Variants in MEF2A observed in about 807,000 individuals in gnomAD.
The protein encoded by MEF2A is myocyte enhancer factor 2A, also known as myocyte-specific enhancer factor 2A.
MEF2A carries 28 observed loss-of-function variants against 55.8 expected under a neutral mutation model. The observed-to-expected ratio is 0.50, with a 90% CI of 0.37 to 0.69. The LOEUF is 0.69. Among genes scored for constraint, MEF2A ranks in the 30% least tolerant of loss-of-function variants. The probability of loss-of-function intolerance (pLI) is 0.00; values close to 1 mark genes in which losing one functional copy is unlikely to be tolerated. For synonymous variants in MEF2A, 239 were observed against 227.1 expected, an observed-to-expected ratio of 1.05 and a Z score of -0.47; for missense variants, 528 against 626.2, an observed-to-expected ratio of 0.84 and a Z score of 1.67.
chr15:99,659,608 A>C (rs1413981423), intron 4 of MEF2A, among the ~76,000 whole-genome samples: 1 of 152,198 alleles, frequency 6.6e-6, no homozygotes, highest in African/African-American at 2.4e-5. Context: ...TGGAAAGAGC[A>C]CTAGACTTAG....
At chr15:99,651,724 A>G (rs2046876917) in intron 4 of MEF2A, among the ~76,000 whole-genome samples, 1 of 152,180 alleles carries the variant, frequency 6.6e-6, no homozygotes, top group African/African-American at 2.4e-5. Flanking sequence ...TTTGCTGTGC[A>G]TGTGAATATT....
intron 1 of MEF2A, among the ~76,000 whole-genome samples, chr15:99,573,898 A>C (rs534170905): frequency 6.6e-6 from 1 of 152,310 alleles, no homozygotes; most frequent in Admixed American, 6.5e-5. Flanking sequence ...TTGATACTGA[A>C]AACCTTTTTA....
rs1446652119 is a variant in MEF2A at position 99,636,526 on chromosome 15, T to C, written c.54+3353T>C. On this transcript the variant is annotated intron_variant, in intron 3 of 11. Coordinates refer to ENST00000557942, the MANE Select transcript of MEF2A (RefSeq NM_001319206.4). ...AGGGCCGACCCATTCTTTTATTTTT[T>C]TGTAGAGATGGTGTCTCGCCTAGAC... Among the ~76,000 whole-genome samples the C allele has an allele frequency of 2.0e-5, 3 of 152,126 alleles. No homozygotes were observed. The East Asian group carries it at 5.8e-4, about 29-fold the overall frequency.
chr15:99,614,247 C>T (rs529835597), intron 2 of MEF2A, among the ~76,000 whole-genome samples: 3 of 152,282 alleles, frequency 2.0e-5, no homozygotes, highest in African/African-American at 7.2e-5. Context: ...TTCTGCAGTT[C>T]AGTGAAGAAT....
chr15:99,593,451 A>G (rs1970047406), intron 1 of MEF2A, among the ~76,000 whole-genome samples: 1 of 152,204 alleles, frequency 6.6e-6, no homozygotes, highest in South Asian at 2.1e-4. Flanking sequence ...CAGTTACTAC[A>G]TCATGCCTGG....
intron 7 of MEF2A, among the ~76,000 whole-genome samples, chr15:99,683,531 C>G (rs1259208790): frequency 6.6e-6 from 1 of 152,008 alleles, no homozygotes; most frequent in Middle Eastern, 3.2e-3. Flanking sequence ...GTCAGCCTCC[C>G]TAGTAGCCAG....
intron 4 of MEF2A, among the ~76,000 whole-genome samples, chr15:99,665,284 A>G (rs948623478): frequency 1.3e-5 from 2 of 152,166 alleles, no homozygotes; most frequent in African/African-American, 4.8e-5. Context: ...GAGCCTTCCT[A>G]CTACTGGAGT....
chr15:99,568,178 A>G (rs185333180), intron 1 of MEF2A, among the ~76,000 whole-genome samples: 7 of 152,358 alleles, frequency 4.6e-5, no homozygotes, highest in African/African-American at 1.7e-4. Flanking sequence ...AGTTTTTTAA[A>G]AAATTAAATT....
At chr15:99,565,787 T>C (rs1044436037), upstream of MEF2A, 4 of 143,720 alleles carry the variant, frequency 2.8e-5, no homozygotes, top group African/African-American at 1.0e-4. Flanking sequence ...CCCATTCCAA[T>C]TACTCTAGAA....
intron 3 of MEF2A, among the ~76,000 whole-genome samples, chr15:99,642,549 A>C (rs960488438): frequency 2.0e-5 from 3 of 151,500 alleles, no homozygotes; most frequent in African/African-American, 7.3e-5. Flanking sequence ...TTCTCTTCTC[A>C]TTCATTTCCG....
chr15:99,601,805 TTTTGTGTGTGTGTGTGTG>T (rs1567200233), intron 2 of MEF2A, among the ~76,000 whole-genome samples: 3 of 127,080 alleles, frequency 2.4e-5, no homozygotes, highest in African/African-American at 6.0e-5. Context: ...TTTTTGTCTG[TTTTGTGTGTGTGTGTGTG>T]TGTGTGTGTG....
intron 2 of MEF2A, among the ~76,000 whole-genome samples, chr15:99,624,325 T>G (rs1480223230): frequency 6.6e-6 from 1 of 152,226 alleles, no homozygotes; most frequent in East Asian, 1.9e-4. Context: ...CAGTTGGGTT[T>G]AAATCTTTGA....
intron 3 of MEF2A, among the ~76,000 whole-genome samples, chr15:99,643,216 A>G (rs1369309306): frequency 1.3e-5 from 2 of 152,212 alleles, no homozygotes; most frequent in African/African-American, 4.8e-5. Context: ...GTATTGTAAA[A>G]TACTAATTAA....
intron 2 of MEF2A, among the ~76,000 whole-genome samples, chr15:99,623,511 C>G (rs1480423636): frequency 2.0e-5 from 3 of 152,192 alleles, no homozygotes; most frequent in African/African-American, 7.2e-5. Flanking sequence ...ATTTTACATT[C>G]CCAAGAACAG....
At position 99,602,484 on chromosome 15, in the gene MEF2A, A is replaced by G. The variant is rs1243722923; in HGVS notation, c.-143+3973A>G. Reference sequence around the variant, plus strand: ...TCTTAATGCGCATGCTGGAGCCCATATGTCCAACTCCTGAGATGTTATAGG... The same window carrying G: ...TCTTAATGCGCATGCTGGAGCCCATGTGTCCAACTCCTGAGATGTTATAGG... On this transcript the variant is annotated intron_variant, in intron 2 of 11. Transcript: ENST00000557942. Among the ~76,000 whole-genome samples the G allele has an allele frequency of 1.3e-3, 203 of 152,204 alleles. 5 individuals are homozygous for G. The highest frequency in any genetic ancestry group is 3.5e-4 in the Non-Finnish European group (24 of 67,996).
chr15:99,634,442 A>C (rs2043423192), intron 3 of MEF2A, among the ~76,000 whole-genome samples: 1 of 152,200 alleles, frequency 6.6e-6, no homozygotes, highest in Non-Finnish European at 1.5e-5. Flanking sequence ...TTCCCTTCAC[A>C]ATCTGAGGAT....
intron 3 of MEF2A, among the ~76,000 whole-genome samples, chr15:99,645,320 G>T (rs1427202613): frequency 6.6e-6 from 1 of 152,168 alleles, no homozygotes; most frequent in Non-Finnish European, 1.5e-5. Context: ...TAGTGGAGTG[G>T]CAGCCAAGGA....
intron 1 of MEF2A, among the ~76,000 whole-genome samples, chr15:99,585,315 TC>T (rs758614662): frequency 3.0e-4 from 46 of 152,340 alleles, no homozygotes; most frequent in Admixed American, 9.2e-4. Flanking sequence ...CTTTTTTACC[TC>T]CTGTAATTGG....
At chr15:99,576,516 C>G (rs1328360679) in intron 1 of MEF2A, among the ~76,000 whole-genome samples, 1 of 152,048 alleles carries the variant, frequency 6.6e-6, no homozygotes, top group Non-Finnish European at 1.5e-5. Flanking sequence ...TGATAATGAA[C>G]TATTCCTGTA....
Sources: gnomAD v4.1 joint callset for allele counts (sites outside exome capture counted in the v4.1 genomes callset) on GRCh38, gnomAD v4.1.1 for gene constraint, MANE v1.5 for transcripts, NCBI Gene and HGNC (gene_info 2026-07-23, HGNC 2026-07-21) for gene names.